DCAF6: variants seen among roughly 807,000 people sequenced by gnomAD.
DCAF6 encodes DDB1- and CUL4-associated factor 6.
A neutral mutation model predicts 125.1 loss-of-function variants in DCAF6; 54 were observed. That is an observed-to-expected ratio of 0.43 (90% CI 0.35 to 0.54). The LOEUF (loss-of-function observed/expected upper bound fraction) is 0.54, where lower values mean the gene tolerates loss of function less well. Among genes scored for constraint, DCAF6 ranks in the 20% least tolerant of loss-of-function variants. The pLI is 0.01. For synonymous variants in DCAF6, 371 were observed against 390.4 expected (o/e 0.95, Z 0.58); for missense variants, 934 against 1,161.7 (o/e 0.80, Z 2.85).
intron 4 of DCAF6, among the ~76,000 whole-genome samples, chr1:167,978,267 A>G (rs1174322448): frequency 6.6e-6 from 1 of 152,226 alleles, no homozygotes; most frequent in Non-Finnish European, 1.5e-5. Context: ...TAGAATATAT[A>G]TTTGGTTATT....
At chr1:168,012,367 T>C (rs1296903236) in intron 10 of DCAF6, among the ~76,000 whole-genome samples, 1 of 152,208 alleles carries the variant, frequency 6.6e-6, no homozygotes, top group Non-Finnish European at 1.5e-5. Context: ...AAAACAAGAA[T>C]AGGGTTTGTA....
At chr1:168,071,188 A>AT (rs900356791) in intron 21 of DCAF6, among the ~76,000 whole-genome samples, 11 of 152,196 alleles carry the variant, frequency 7.2e-5, no homozygotes, top group African/African-American at 2.7e-4. Flanking sequence ...AGGTCAGTTA[A>AT]TTTTTTTGTT....
chr1:167,887,099 G>C, the DCAF6 span, among the ~76,000 whole-genome samples: 3 of 152,128 alleles, frequency 2.0e-5, no homozygotes, highest in Non-Finnish European at 2.9e-5. Flanking sequence ...CTGTTGGTGG[G>C]ACTGTAAACT....
the DCAF6 span, among the ~76,000 whole-genome samples, chr1:167,927,811 A>C: frequency 1.3e-5 from 2 of 152,222 alleles, no homozygotes; most frequent in Non-Finnish European, 2.9e-5. Flanking sequence ...AACTTCAAAC[A>C]TCAAATTATG....
chr1:168,039,765 A>G (rs886954846), intron 13 of DCAF6, among the ~76,000 whole-genome samples: 9 of 149,118 alleles, frequency 6.0e-5, no homozygotes, highest in Non-Finnish European at 8.9e-5. Flanking sequence ...ATAGTTATGT[A>G]TTGTCTTAAT....
chr1:167,883,738 G>A, the DCAF6 span: 9 of 965,692 alleles, frequency 9.3e-6, no homozygotes, highest in Non-Finnish European at 1.5e-5. Flanking sequence ...ACCTCAGAAT[G>A]GGTGAGGTAC....
the DCAF6 span, among the ~76,000 whole-genome samples, chr1:167,901,348 A>C: frequency 2.0e-5 from 3 of 152,204 alleles, no homozygotes; most frequent in Non-Finnish European, 2.9e-5. Flanking sequence ...GACAAGCAGC[A>C]AGATGGAATA....
At chr1:168,016,775 G>A (rs973605568) in intron 11 of DCAF6, among the ~76,000 whole-genome samples, 3 of 151,926 alleles carry the variant, frequency 2.0e-5, no homozygotes, top group African/African-American at 7.2e-5. Flanking sequence ...TACTATAGTA[G>A]GTATAATAAG....
At chr1:167,912,009 T>G in the DCAF6 span, among the ~76,000 whole-genome samples, 9 of 152,234 alleles carry the variant, frequency 5.9e-5, no homozygotes, top group South Asian at 1.9e-3. Flanking sequence ...GAGTTTCTTA[T>G]GAACACCCAT....
At chr1:167,869,378 A>G in the DCAF6 span, among the ~76,000 whole-genome samples, 3 of 152,262 alleles carry the variant, frequency 2.0e-5, no homozygotes, top group Admixed American at 2.0e-4. Flanking sequence ...GGCAAAAATA[A>G]GAGTGAGAAC....
At chr1:167,951,940 C>A in intron 2 of DCAF6, 79 bp downstream of exon 2, 1 of 848,236 alleles carries the variant, frequency 1.2e-6, no homozygotes, top group Non-Finnish European at 1.9e-6. Flanking sequence ...CCCAATCCTC[C>A]CAGAAAGGAT....
intron 17 of DCAF6, among the ~76,000 whole-genome samples, chr1:168,062,538 GT>G (rs1439213927): frequency 6.6e-6 from 1 of 152,120 alleles, no homozygotes; most frequent in African/African-American, 2.4e-5. Context: ...AAAAAGATCA[GT>G]TTTTTGTTTT....
At chr1:167,885,269 C>T in the DCAF6 span, among the ~76,000 whole-genome samples, 1 of 152,106 alleles carries the variant, frequency 6.6e-6, no homozygotes, top group Non-Finnish European at 1.5e-5. Flanking sequence ...GGTATCTCTT[C>T]AATATATTGA....
At chr1:168,067,842 G>A (rs1558055025) in intron 20 of DCAF6, among the ~76,000 whole-genome samples, 1 of 151,890 alleles carries the variant, frequency 6.6e-6, no homozygotes, top group Non-Finnish European at 1.5e-5. Context: ...GGGTGTTCAC[G>A]AGTATTCAAG....
At chr1:168,002,426 G>A (rs1300040776) in intron 7 of DCAF6, 56 bp from the exon 8 acceptor site, 2 of 1,441,708 alleles carry the variant, frequency 1.4e-6, no homozygotes, top group Non-Finnish European at 1.9e-6. Context: ...TGCTTTAAGA[G>A]TTGAGAGTAG....
chr1:167,878,029 G>A, the DCAF6 span, among the ~76,000 whole-genome samples: 20 of 152,282 alleles, frequency 1.3e-4, no homozygotes, highest in African/African-American at 4.1e-4. Context: ...AGCTTTTGGG[G>A]AATGTATTTC....
intron 12 of DCAF6, among the ~76,000 whole-genome samples, chr1:168,032,550 T>G (rs1356453462): frequency 6.6e-6 from 1 of 152,218 alleles, no homozygotes; most frequent in Non-Finnish European, 1.5e-5. Context: ...TGTGGGGAGA[T>G]AGTTAAACTT....
the DCAF6 span, among the ~76,000 whole-genome samples, chr1:167,888,809 G>A: frequency 9.5e-5 from 14 of 147,980 alleles, no homozygotes; most frequent in African/African-American, 2.5e-5. Flanking sequence ...CCGGGAGGCG[G>A]AGCGTGCAGT....
At chr1:168,005,732 G>A (rs1683246023) in intron 10 of DCAF6, among the ~76,000 whole-genome samples, 1 of 152,036 alleles carries the variant, frequency 6.6e-6, no homozygotes, top group South Asian at 2.1e-4. Flanking sequence ...TACCAAATAT[G>A]GGATGTTTTA....
Sources: allele counts gnomAD v4.1 joint callset (sites outside exome capture counted in the v4.1 genomes callset), GRCh38; gene constraint gnomAD v4.1.1; transcripts MANE v1.5; gene names NCBI Gene and HGNC (gene_info 2026-07-23, HGNC 2026-07-21).